VPS33B: variants seen among roughly 807,000 people sequenced by gnomAD.
The protein encoded by VPS33B is VPS33B late endosome and lysosome associated.
Under a neutral mutation model 95.3 loss-of-function variants are expected in VPS33B, and 80 were observed. The observed-to-expected ratio is 0.84, with a 90% CI of 0.70 to 1.01. The LOEUF (loss-of-function observed/expected upper bound fraction) is 1.01, where lower values mean the gene tolerates loss of function less well. Ranked by LOEUF, VPS33B falls within the 50% of genes least tolerant of loss-of-function variation. The probability of loss-of-function intolerance (pLI) is 0.00; values close to 1 mark genes in which losing one functional copy is unlikely to be tolerated. For missense variants in VPS33B, 715 were observed against 773.4 expected, an observed-to-expected ratio of 0.92 and a Z score of 0.90; for synonymous variants, 280 against 280.4, an observed-to-expected ratio of 1.00 and a Z score of 0.01.
Position 91,001,423 on chromosome 15 carries a change from C to T in VPS33B, c.1445G>A (p.Ser482Asn), listed in dbSNP as rs988730989. ...CTTTTTGCTGATGGCACGAAAATTG[C>T]TCCTCTTGGCCAGAGAACTGAAGGC... is the stretch of plus-strand genomic sequence containing the variant. ...TDAFSSLAKR[S>N]NFRAISKKLN... Residue 482 changes from serine (S) to asparagine (N), a missense_variant, in exon 19 of 23, where the codon AGC becomes AAC. Ser to Asn is a conservative substitution (Grantham distance 46). Transcript: ENST00000333371. The T allele has an allele frequency of 3.7e-6, 6 of 1,613,822 alleles. No homozygotes were observed. Among genetic ancestry groups the T allele is most frequent in the Non-Finnish European group, 5.1e-6 (6 of 1,179,910 alleles).
intron 1 of VPS33B, 107 bp from the exon 2 acceptor site, chr15:91,017,992 G>T: frequency 5.2e-6 from 5 of 959,150 alleles, no homozygotes; most frequent in Non-Finnish European, 6.7e-6. Context: ...AGGTGGGAGG[G>T]CACTAAGTAT....
rs2040735418 is a variant in VPS33B at position 91,009,937 on chromosome 15, A to G, written c.358-91T>C. 1 of 1,459,982 alleles carries G rather than the reference A, an allele frequency of 6.8e-7. No individual in the cohort carries two copies. The highest frequency in any genetic ancestry group is 1.4e-5 in the African/African-American group (1 of 71,540). 90.4% of individuals were successfully genotyped at this position (1,459,982 alleles called of 1,614,324 possible). On this transcript the variant is annotated intron_variant, in intron 5 of 22. Transcript: ENST00000333371. This position sits in a 1 kb window ranked among gnomAD's most constrained non-coding sequence, Gnocchi z 4.1. ...TCCTCTGTGGTCACTGATGAGGACAATAATTGCCGAACCCAGTGAAAGACA... is the reference window on the plus strand; with the variant it reads ...TCCTCTGTGGTCACTGATGAGGACAGTAATTGCCGAACCCAGTGAAAGACA...
At chr15:91,014,845 G>A (rs750777513) in intron 3 of VPS33B, among the ~76,000 whole-genome samples, 3 of 150,804 alleles carry the variant, frequency 2.0e-5, no homozygotes, top group African/African-American at 7.3e-5. Flanking sequence ...TTAACACTCC[G>A]GGAAGCCAAG....
At chr15:91,021,849 C>A (rs961008992) in intron 1 of VPS33B, among the ~76,000 whole-genome samples, 2 of 152,222 alleles carry the variant, frequency 1.3e-5, no homozygotes, top group African/African-American at 2.4e-5. Flanking sequence ...TCATACAGCT[C>A]CTACTGGAGT....
downstream of VPS33B, chr15:90,998,561 G>T (rs2040340070): frequency 3.0e-6 from 1 of 330,178 alleles, no homozygotes; most frequent in Admixed American, 4.1e-5. The surrounding 1 kb of genome is among the most constrained non-coding windows in gnomAD (Gnocchi z 4.8). Context: ...AACCAGACCA[G>T]GCCTGGAGCC....
Position 91,017,789 on chromosome 15 carries a change from G to C in VPS33B, c.177+16C>G. 1 of 1,613,618 alleles carries C rather than the reference G, an allele frequency of 6.2e-7. No individual in the cohort carries two copies. The highest frequency in any genetic ancestry group is 8.5e-7 in the Non-Finnish European group (1 of 1,179,532). Reference sequence around the variant, plus strand: ...GCTTAAAGAGGGGCATGGCCCCCAGGGGAAAGGGACAGTACCTTCAGGATG... The same window carrying C: ...GCTTAAAGAGGGGCATGGCCCCCAGCGGAAAGGGACAGTACCTTCAGGATG... On this transcript the variant is annotated intron_variant, in intron 2 of 22. Transcript: ENST00000333371.
chr15:91,004,749 A>G, intron 16 of VPS33B, 128 bp downstream of exon 16: 1 of 1,155,712 alleles, frequency 8.7e-7, no homozygotes, highest in Non-Finnish European at 1.3e-6. Context: ...ACAAAAAAGA[A>G]TCCATTAAAT....
rs1289650070 is a variant in VPS33B at position 91,022,175 on chromosome 15, C to T, written c.75G>A (p.Gln25=). 11 of 1,568,320 alleles carry T rather than the reference C, an allele frequency of 7.0e-6. No homozygotes were observed. Among genetic ancestry groups the T allele is most frequent in the Non-Finnish European group, 9.5e-6 (11 of 1,155,680 alleles). The change falls in exon 1 of 23, where the codon CAG becomes CAA. Residue 25 remains glutamine, a synonymous_variant. Transcript: ENST00000333371. The part of the protein sequence containing the change: ...FSMLKRLARD[Q]LIYLLEQLPG... The stretch of plus-strand genomic sequence containing the variant: ...TGACCTGCTCCAGCAGATAGATGAG[C>T]TGGTCTCGAGCCAGCCTCTTCAGCA...
At chr15:91,003,796 T>C (rs755807272) in intron 16 of VPS33B, among the ~76,000 whole-genome samples, 3 of 152,204 alleles carry the variant, frequency 2.0e-5, no homozygotes, top group Non-Finnish European at 4.4e-5. Flanking sequence ...TTCACAACTA[T>C]TGAGAAATAG....
Position 90,999,816 on chromosome 15 carries a change from A to G in VPS33B, c.1658-23T>C, listed in dbSNP as rs750426839. On this transcript the variant is annotated intron_variant, in intron 21 of 22. Transcript: ENST00000333371. This position sits in a 1 kb window ranked among gnomAD's most constrained non-coding sequence, Gnocchi z 5.1. The stretch of plus-strand genomic sequence containing the variant: ...TATCTGTGAGGATCAGACCAGATTC[A>G]GCCCTTCCCTGACATGCTAGTCCTG... 6.2e-7 allele frequency: 1 copy of G among 1,614,094 alleles called. No individual in the cohort carries two copies. Among genetic ancestry groups the G allele is most frequent in the Non-Finnish European group, 8.5e-7 (1 of 1,179,982 alleles).
chr15:91,021,526 C>T (rs28478359), intron 1 of VPS33B, among the ~76,000 whole-genome samples: 42,792 of 152,024 alleles, frequency 0.28, 6,611 homozygotes, highest in East Asian at 0.53. Flanking sequence ...CCACCACACA[C>T]ATCACTATTA....
At position 91,009,544 on chromosome 15, in the gene VPS33B, TGATCCACCCCCTCGGCCTCCCAAAG is replaced by T. The variant is rs2040719764; in HGVS notation, c.403+232_403+256del. Among the ~76,000 whole-genome samples, 1 of 152,040 alleles carries T rather than the reference TGATCCACCCCCTCGGCCTCCCAAAG, an allele frequency of 6.6e-6. No individual in the cohort carries two copies. The highest frequency in any genetic ancestry group is 2.4e-5 in the African/African-American group (1 of 41,362). On this transcript the variant is annotated intron_variant, in intron 6 of 22. Coordinates refer to ENST00000333371, the MANE Select transcript of VPS33B (RefSeq NM_018668.5). This position sits in a 1 kb window ranked among gnomAD's most constrained non-coding sequence, Gnocchi z 4.1. ...CTGGACTCAAACTCCTGACCTCAGGTGATCCACCCCCTCGGCCTCCCAAAGTGCTGGGATTACAGGCATGAGCCAC... is the reference window on the plus strand; with the variant it reads ...CTGGACTCAAACTCCTGACCTCAGGTTGCTGGGATTACAGGCATGAGCCAC...
Position 91,006,960 on chromosome 15 carries a change from G to A in VPS33B, c.690C>T (p.Leu230=). Residue 230 remains leucine, a synonymous_variant, in exon 9 of 23, where the codon CTC becomes CTT. Coordinates refer to ENST00000333371, the MANE Select transcript of VPS33B (RefSeq NM_018668.5). This position sits in a 1 kb window ranked among gnomAD's most constrained non-coding sequence, Gnocchi z 5.4. ...GRRPEIGHIF[L]LDRDVDFVTA... ...CTGGGCATAATTTACCTCTGTCCAA[G>A]AGAAAGATATGTCCAATCTCTGGCC... is the stretch of plus-strand genomic sequence containing the variant. 1 of 1,614,164 alleles carries A rather than the reference G, an allele frequency of 6.2e-7. No homozygotes were observed. The highest frequency in any genetic ancestry group is 1.1e-5 in the South Asian group (1 of 91,068).
At chr15:91,022,619 G>C (rs533868802), upstream of VPS33B, 5 of 165,290 alleles carry the variant, frequency 3.0e-5, no homozygotes, top group African/African-American at 1.2e-4. Flanking sequence ...AGTCCCTTTC[G>C]CTCCCAGCGC....
Position 91,022,216 on chromosome 15 carries a change from G to A in VPS33B, c.34C>T (p.Leu12=). ...CTCTTCAGCATGGAGAAGTCAGGCA[G>A]CTCAGGGGCGTCCGGCCGATGGGGA... is the stretch of plus-strand genomic sequence containing the variant. ...AFPHRPDAPE[L]PDFSMLKRLA... is the part of the protein sequence containing the mutation. The change falls in exon 1 of 23, where the codon CTG becomes TTG. Residue 12 remains leucine, a synonymous_variant. Transcript: ENST00000333371. The A allele has an allele frequency of 2.5e-6, 4 of 1,582,576 alleles. No homozygotes were observed. The highest frequency in any genetic ancestry group is 2.3e-5 in the East Asian group (1 of 43,610).
chr15:91,003,035 A>G (rs750171841), intron 17 of VPS33B, 50 bp downstream of exon 17: 11 of 1,605,756 alleles, frequency 6.9e-6, no homozygotes, highest in South Asian at 5.5e-5. Context: ...AAAATGCCCA[A>G]TAACTGCCCT....
intron 3 of VPS33B, among the ~76,000 whole-genome samples, chr15:91,016,375 CTTTTTTTTTTT>C (rs796637381): frequency 2.7e-4 from 26 of 96,020 alleles, no homozygotes; most frequent in Admixed American, 2.1e-3. Context: ...GCAGATTCTT[CTTTTTTTTTTT>C]TTTTTTTTTT....
intron 6 of VPS33B, among the ~76,000 whole-genome samples, chr15:91,008,476 G>C (rs182767254): frequency 6.6e-6 from 1 of 152,214 alleles, no homozygotes; most frequent in East Asian, 1.9e-4. Context: ...TGTTGGCCAG[G>C]CTTGTCTCAA....
intron 4 of VPS33B, among the ~76,000 whole-genome samples, chr15:91,014,086 G>A (rs1300015991): frequency 6.6e-6 from 1 of 152,062 alleles, no homozygotes; most frequent in Non-Finnish European, 1.5e-5. Context: ...CGATCTGGTG[G>A]TGGGCACCTG....
Sources: allele counts gnomAD v4.1 joint callset (sites outside exome capture counted in the v4.1 genomes callset), GRCh38; gene constraint gnomAD v4.1.1; non-coding constraint Gnocchi (gnomAD v3.1); transcripts MANE v1.5; gene names NCBI Gene and HGNC (gene_info 2026-07-23, HGNC 2026-07-21).